The following SUCO variants were observed in gnomAD, a reference collection of about 807,000 sequenced individuals.
The protein encoded by SUCO is SUN domain containing ossification factor.
A neutral mutation model predicts 148.1 loss-of-function variants in SUCO; 57 were observed. That is an observed-to-expected ratio of 0.38 (90% CI 0.31 to 0.48). The LOEUF (loss-of-function observed/expected upper bound fraction) is 0.48, where lower values mean the gene tolerates loss of function less well. Among genes scored for constraint, SUCO ranks in the 20% least tolerant of loss-of-function variants. SUCO has a pLI of 0.96. For synonymous variants in SUCO, 470 were observed against 502.7 expected, an observed-to-expected ratio of 0.93 and a Z score of 0.87; for missense variants, 1,331 against 1,468.2, an observed-to-expected ratio of 0.91 and a Z score of 1.53.
At chr1:172,557,125 A>G in intron 4 of SUCO, 155 bp from the exon 5 acceptor site, 16 of 980,280 alleles carry the variant, frequency 1.6e-5, no homozygotes, top group South Asian at 4.7e-5. Flanking sequence ...GAAGCTGAGG[A>G]CAATAACAGA....
chr1:172,572,500 A>T (rs1425343856), intron 9 of SUCO, among the ~76,000 whole-genome samples: 2 of 151,920 alleles, frequency 1.3e-5, no homozygotes, highest in African/African-American at 4.8e-5. Flanking sequence ...GCTTGAAGGC[A>T]GCATGCTCAT....
At chr1:172,562,560 T>A (rs1654253644) in intron 6 of SUCO, among the ~76,000 whole-genome samples, 3 of 152,272 alleles carry the variant, frequency 2.0e-5, no homozygotes, top group South Asian at 4.1e-4. Flanking sequence ...ATGGTCTTGA[T>A]CTCTTGACCT....
intron 6 of SUCO, among the ~76,000 whole-genome samples, chr1:172,559,117 G>A (rs1201339563): frequency 2.0e-5 from 3 of 152,164 alleles, no homozygotes; most frequent in Non-Finnish European, 4.4e-5. Context: ...TTTGCTTTCT[G>A]ATGCCTTGTG....
intron 6 of SUCO, among the ~76,000 whole-genome samples, chr1:172,560,806 C>T (rs903835632): frequency 1.3e-5 from 2 of 152,184 alleles, no homozygotes; most frequent in African/African-American, 4.8e-5. Flanking sequence ...AGATGACTAC[C>T]TCGGGAGTCA....
intron 6 of SUCO, among the ~76,000 whole-genome samples, chr1:172,560,708 C>T (rs1187443155): frequency 6.6e-6 from 1 of 152,202 alleles, no homozygotes; most frequent in African/African-American, 2.4e-5. Flanking sequence ...GTATTCACCT[C>T]AGTTCCAAGT....
intron 1 of SUCO, among the ~76,000 whole-genome samples, chr1:172,539,670 GA>G (rs1444300878): frequency 3.3e-5 from 5 of 152,136 alleles, no homozygotes; most frequent in African/African-American, 4.8e-5. Context: ...ATCTACTGGA[GA>G]AAAAACATGT....
At chr1:172,580,633 G>A (rs542219888) in intron 15 of SUCO, among the ~76,000 whole-genome samples, 1 of 152,032 alleles carries the variant, frequency 6.6e-6, no homozygotes, top group Admixed American at 6.6e-5. Context: ...TTATTTTATG[G>A]GGTCAGAAAA....
intron 9 of SUCO, among the ~76,000 whole-genome samples, chr1:172,572,209 C>T (rs1211553128): frequency 1.3e-5 from 2 of 148,514 alleles, no homozygotes; most frequent in Admixed American, 6.7e-5. Context: ...TACCCAACAG[C>T]TCATTGAGAA....
At chr1:172,577,694 CTG>C in intron 12 of SUCO, 68 bp from the exon 13 acceptor site, 1 of 1,574,060 alleles carries the variant, frequency 6.4e-7, no homozygotes, top group Admixed American at 1.8e-5. Context: ...AATGAAAAAA[CTG>C]AGTATATTGT....
In SUCO at chr1:172,533,423, G is replaced by A; in HGVS notation, c.-13G>A. ...ATGTGCCGCCTTCTGGCAGGGGGAA[G>A]AAGGAGGAGAAGATGAAGAAGCACC... On this transcript the variant is annotated 5_prime_UTR_variant, in exon 1 of 24. Transcript: ENST00000263688. 1.3e-6 allele frequency: 2 copies of A among 1,557,016 alleles called. No homozygotes were observed. Among genetic ancestry groups the A allele is most frequent in the Non-Finnish European group, 1.7e-6 (2 of 1,149,884 alleles).
At chr1:172,554,112 C>T (rs1317753460) in intron 3 of SUCO, among the ~76,000 whole-genome samples, 1 of 151,728 alleles carries the variant, frequency 6.6e-6, no homozygotes, top group African/African-American at 2.4e-5. Flanking sequence ...ATTTTTTAAC[C>T]TTGTACTTTT....
intron 13 of SUCO, 26 bp from the exon 14 acceptor site, chr1:172,578,272 G>A: frequency 6.6e-7 from 1 of 1,506,488 alleles, no homozygotes; most frequent in Non-Finnish European, 9.2e-7. Context: ...TGTTTTGGAA[G>A]TCTTTAATGA....
At chr1:172,570,766 A>T in intron 9 of SUCO, 36 bp downstream of exon 9, 1 of 1,180,736 alleles carries the variant, frequency 8.5e-7, no homozygotes, top group Non-Finnish European at 1.3e-6. Flanking sequence ...TACATTCTAC[A>T]TATATATGCA....
At chr1:172,532,680 G>C (rs1651672942), upstream of SUCO, 3 of 1,613,990 alleles carry the variant, frequency 1.9e-6, no homozygotes, top group African/African-American at 2.7e-5. Flanking sequence ...CGAAACTATA[G>C]ACTTCTCTAA....
At chr1:172,595,912 A>G (rs918041564) in intron 19 of SUCO, among the ~76,000 whole-genome samples, 2 of 152,178 alleles carry the variant, frequency 1.3e-5, no homozygotes, top group African/African-American at 2.4e-5. Context: ...TTTCAGGTAC[A>G]CCATTCAAAT....
intron 14 of SUCO, chr1:172,578,706 T>C: frequency 4.1e-6 from 1 of 243,350 alleles, no homozygotes; most frequent in Non-Finnish European, 6.6e-6. Context: ...ACTGAAATAG[T>C]AGAAATGAGC....
intron 1 of SUCO, among the ~76,000 whole-genome samples, chr1:172,534,179 G>A (rs1651842368): frequency 6.6e-6 from 1 of 152,130 alleles, no homozygotes; most frequent in Admixed American, 6.5e-5. Flanking sequence ...GGCGGGAAGA[G>A]TGCTTTGTCC....
chr1:172,591,952 AC>A, intron 19 of SUCO, among the ~76,000 whole-genome samples: 1 of 152,218 alleles, frequency 6.6e-6, no homozygotes, highest in African/African-American at 2.4e-5. Flanking sequence ...TTGTTTCCTG[AC>A]TTTTTAATGA....
At chr1:172,572,094 C>T (rs1263401671) in intron 9 of SUCO, among the ~76,000 whole-genome samples, 1 of 118,120 alleles carries the variant, frequency 8.5e-6, no homozygotes, top group Non-Finnish European at 1.9e-5. Flanking sequence ...TCAGCCCCCG[C>T]CTGGCAAGCC....
Sources: gnomAD v4.1 joint callset for allele counts (sites outside exome capture counted in the v4.1 genomes callset) on GRCh38, gnomAD v4.1.1 for gene constraint, MANE v1.5 for transcripts, NCBI Gene and HGNC (gene_info 2026-07-23, HGNC 2026-07-21) for gene names.